ABCC5: variants seen among roughly 807,000 people sequenced by gnomAD.
ABCC5 encodes the protein ATP binding cassette subfamily C member 5.
A neutral mutation model predicts 160.9 loss-of-function variants in ABCC5; 61 were observed. The observed-to-expected ratio is 0.38, with a 90% confidence interval of 0.31 to 0.47. ABCC5 has a LOEUF of 0.47. Among genes scored for constraint, ABCC5 ranks in the 20% least tolerant of loss-of-function variants. The probability of loss-of-function intolerance (pLI) is 0.99; values close to 1 mark genes in which losing one functional copy is unlikely to be tolerated. For synonymous variants in ABCC5, 666 were observed against 700.6 expected (o/e 0.95, Z 0.78); for missense variants, 1,308 against 1,813.3 (o/e 0.72, Z 5.06).
At chr3:183,989,199 C>T (rs745596327) in intron 3 of ABCC5, 27 bp downstream of exon 3, 1 of 1,117,236 alleles carries the variant, frequency 9.0e-7, no homozygotes, top group South Asian at 1.3e-5. Flanking sequence ...TGATGCTTCA[C>T]TGTCATCACT....
intron 22 of ABCC5, among the ~76,000 whole-genome samples, chr3:183,948,976 T>C (rs1021346892): frequency 6.6e-6 from 1 of 152,190 alleles, no homozygotes; most frequent in Non-Finnish European, 1.5e-5. Flanking sequence ...AGTGCTGGCA[T>C]TACAGGCGGG....
intron 2 of ABCC5, among the ~76,000 whole-genome samples, chr3:184,010,266 C>CAAAAAAA (rs10541470): frequency 2.7e-5 from 2 of 74,450 alleles, no homozygotes; most frequent in African/African-American, 1.0e-4. Flanking sequence ...GACTTCGTCT[C>CAAAAAAA]AAAAAAAAAA....
intron 25 of ABCC5, among the ~76,000 whole-genome samples, chr3:183,939,849 C>T (rs79141685): frequency 0.049 from 7,430 of 152,222 alleles, 240 homozygotes; most frequent in Non-Finnish European, 0.074. Context: ...TGGTTCTTGA[C>T]CCTCCTACCT....
intron 10 of ABCC5, among the ~76,000 whole-genome samples, chr3:183,972,924 G>T (rs1717893103): frequency 6.6e-6 from 1 of 152,180 alleles, no homozygotes; most frequent in South Asian, 2.1e-4. Context: ...GGGATTACAG[G>T]CGTGAGCCAC....
intron 2 of ABCC5, chr3:184,000,881 G>A: frequency 4.5e-6 from 1 of 224,442 alleles, no homozygotes; most frequent in East Asian, 9.2e-5. Context: ...GTTCAGCACT[G>A]TCCAATAGAA....
At chr3:184,008,868 T>G (rs1249334372) in intron 2 of ABCC5, among the ~76,000 whole-genome samples, 1 of 152,156 alleles carries the variant, frequency 6.6e-6, no homozygotes, top group Non-Finnish European at 1.5e-5. Flanking sequence ...CTTTATTTTT[T>G]TTTGGTGAGA....
At chr3:183,979,462 A>T (rs1718515917) in intron 8 of ABCC5, among the ~76,000 whole-genome samples, 1 of 152,246 alleles carries the variant, frequency 6.6e-6, no homozygotes, top group Non-Finnish European at 1.5e-5. Flanking sequence ...AACCGGAAGA[A>T]GATAGGTGAA....
intron 9 of ABCC5, 83 bp from the exon 10 acceptor site, chr3:183,977,707 C>T (rs1718344253): frequency 5.4e-6 from 5 of 930,254 alleles, no homozygotes; most frequent in African/African-American, 1.7e-5. Context: ...TCCTCTCAGG[C>T]GCTAGGAAGG....
chr3:183,924,206 G>A (rs2108754576), intron 29 of ABCC5, among the ~76,000 whole-genome samples: 1 of 152,044 alleles, frequency 6.6e-6, no homozygotes, highest in Non-Finnish European at 1.5e-5. Flanking sequence ...TTTTGGTAGA[G>A]ACGGCGTTTC....
Position 184,014,368 on chromosome 3 carries a change from C to A in ABCC5, c.25G>T (p.Glu9Ter), listed in dbSNP as rs1381694954. The A allele has an allele frequency of 6.2e-7, 1 of 1,613,604 alleles. No homozygotes were observed. The highest frequency in any genetic ancestry group is 1.7e-5 in the Admixed American group (1 of 59,940). Residue 9 changes from glutamate (E) to a stop codon, truncating the protein, a stop_gained, in exon 2 of 30, where the codon GAG becomes TAG. Coordinates refer to ENST00000334444, the MANE Select transcript of ABCC5 (RefSeq NM_005688.4). LOFTEE classifies it high-confidence loss of function. ...TACCCAGGACTGGGGATGATATACTCTTTTCCTATGTCGATATCCTTCATC... is the reference window on the plus strand; with the variant it reads ...TACCCAGGACTGGGGATGATATACTATTTTCCTATGTCGATATCCTTCATC... Reference protein sequence around the residue: MKDIDIGKEYIIPSPGYRS... With the variant: MKDIDIGK
At chr3:183,981,949 T>C in intron 7 of ABCC5, 75 bp from the exon 8 acceptor site, 1 of 1,501,244 alleles carries the variant, frequency 6.7e-7, no homozygotes, top group Non-Finnish European at 8.9e-7. Context: ...CTTAAGGTCA[T>C]TCTCAATAAA....
intron 12 of ABCC5, among the ~76,000 whole-genome samples, chr3:183,965,949 A>G (rs1350017647): frequency 1.3e-5 from 2 of 152,174 alleles, no homozygotes; most frequent in Admixed American, 1.3e-4. Context: ...AGGGAAAAAA[A>G]AAGTCCAGGT....
rs1225873383 is a variant in ABCC5, at chr3:183,951,402, G to A, written c.2944+39C>T. 1.2e-6 allele frequency: 2 copies of A among 1,606,860 alleles called. No homozygotes were observed. The highest frequency in any genetic ancestry group is 1.3e-5 in the African/African-American group (1 of 74,578). The stretch of plus-strand genomic sequence containing the variant: ...TCATCTAGAAGGCTGGAAGCACAGT[G>A]AGCTCCAGAGTATTAAAAAAAGGCT... On this transcript the variant is annotated intron_variant, in intron 20 of 29. Coordinates refer to ENST00000334444, the MANE Select transcript of ABCC5 (RefSeq NM_005688.4). This position sits in a 1 kb window ranked among gnomAD's most constrained non-coding sequence, Gnocchi z 4.7.
At chr3:183,981,903 T>TTA in intron 7 of ABCC5, 29 bp from the exon 8 acceptor site, 1 of 1,576,996 alleles carries the variant, frequency 6.3e-7, no homozygotes, top group Non-Finnish European at 8.6e-7. Context: ...CCACGCCAAA[T>TTA]TAAAGCTCAT....
Position 183,987,501 on chromosome 3 carries a change from G to T in ABCC5, c.591+269C>A. 1.7e-6 allele frequency: 1 copy of T among 602,864 alleles called. No homozygotes were observed. Among genetic ancestry groups the T allele is most frequent in the Non-Finnish European group, 3.0e-6 (1 of 338,182 alleles). The allele number at this position is 602,864 out of a possible 1,614,324, so 37.3% of individuals were successfully genotyped here. A position where few individuals can be genotyped will look rare whatever the true frequency, so the allele number is the denominator to read the frequency against. On this transcript the variant is annotated intron_variant, in intron 5 of 29. Transcript: ENST00000334444. The surrounding 1 kb of genome is among the most constrained non-coding windows in gnomAD (Gnocchi z 4.2). ...TGTCAGTTCATGTTAACACACAACC[G>T]AGAAGCACAGTCCTGTGCAGAACTG... is the stretch of plus-strand genomic sequence containing the variant.
chr3:183,939,908 G>T (rs751752391), intron 25 of ABCC5, among the ~76,000 whole-genome samples: 3 of 152,070 alleles, frequency 2.0e-5, no homozygotes, highest in Non-Finnish European at 4.4e-5. Context: ...GCCTCATCGA[G>T]ATCACCACGA....
At chr3:183,969,895 T>C (rs1717579590) in intron 11 of ABCC5, among the ~76,000 whole-genome samples, 1 of 152,154 alleles carries the variant, frequency 6.6e-6, no homozygotes, top group Non-Finnish European at 1.5e-5. Flanking sequence ...GATTTTCATA[T>C]ACACTGCATT....
In ABCC5 at chr3:183,971,810, C is replaced by T; in HGVS notation, c.1514G>A (p.Ser505Asn). The stretch of plus-strand genomic sequence containing the variant: ...GGTCAGCTTGGGCGAGTTCTGGATA[C>T]TGGAGTGGGAGGAGTCCCATGCCAA... ...ATLAWDSSHS[S>N]IQNSPKLTPK... The change falls in exon 11 of 30, where the codon AGT becomes AAT. Residue 505 changes from serine (S) to asparagine (N), a missense_variant. Physicochemically the swap from Ser to Asn is conservative, Grantham distance 46. This residue lies in a region of ABCC5 where 1,142 missense variants were observed against 1,527.1 expected (regional missense o/e 0.75). Coordinates refer to ENST00000334444, the MANE Select transcript of ABCC5 (RefSeq NM_005688.4). 6.2e-7 allele frequency: 1 copy of T among 1,614,138 alleles called. No homozygotes were observed. Among genetic ancestry groups the T allele is most frequent in the Non-Finnish European group, 8.5e-7 (1 of 1,180,034 alleles).
Position 183,988,006 on chromosome 3 carries a change from T to C in ABCC5, c.444-89A>G. On this transcript the variant is annotated intron_variant, in intron 4 of 29. Coordinates refer to ENST00000334444, the MANE Select transcript of ABCC5 (RefSeq NM_005688.4). This position sits in a 1 kb window ranked among gnomAD's most constrained non-coding sequence, Gnocchi z 4.4. ...CCTGCCACCACTTTTTGTCTCCAGG[T>C]TTTGCCACCACTCACACAAGTCTCT... The C allele has an allele frequency of 6.9e-7, 1 of 1,457,598 alleles. No individual in the cohort carries two copies. The highest frequency in any genetic ancestry group is 2.3e-5 in the East Asian group (1 of 43,950). The allele number at this position is 1,457,598 out of a possible 1,614,324, so 90.3% of individuals were successfully genotyped here. A position where few individuals can be genotyped will look rare whatever the true frequency, so the allele number is the denominator to read the frequency against.
Sources: gnomAD v4.1 joint callset for allele counts (sites outside exome capture counted in the v4.1 genomes callset) on GRCh38, gnomAD v4.1.1 for gene constraint, gnomAD v4.1.1 regional missense constraint, Gnocchi (gnomAD v3.1) non-coding constraint, MANE v1.5 for transcripts, NCBI Gene and HGNC (gene_info 2026-07-23, HGNC 2026-07-21) for gene names.